Variants in JAK2 observed in about 807,000 individuals in gnomAD.
The protein encoded by JAK2 is tyrosine-protein kinase JAK2.
In JAK2, 86 loss-of-function variants were observed where a neutral mutation model predicts 139.3. That is an observed-to-expected ratio of 0.62 (90% CI 0.52 to 0.74). JAK2 has a LOEUF of 0.74. Ranked by LOEUF, JAK2 falls within the 30% of genes least tolerant of loss-of-function variation. The probability of loss-of-function intolerance (pLI) is 0.00; values close to 1 mark genes in which losing one functional copy is unlikely to be tolerated. For missense variants in JAK2, 1,421 were observed against 1,360.3 expected (o/e 1.04, Z -0.70); for synonymous variants, 490 against 437.7 (o/e 1.12, Z -1.49).
chr9:5,112,864 T>A, intron 22 of JAK2: 1 of 458,666 alleles, frequency 2.2e-6, no homozygotes, highest in Non-Finnish European at 3.5e-6. Context: ...TACGCCTCCG[T>A]GGGACGAGCC....
At chr9:5,106,766 G>A (rs1239794317) in intron 22 of JAK2, among the ~76,000 whole-genome samples, 1 of 152,124 alleles carries the variant, frequency 6.6e-6, no homozygotes, top group Non-Finnish European at 1.5e-5. Flanking sequence ...GGATGAAGCT[G>A]GAAACCATCA....
intron 2 of JAK2, among the ~76,000 whole-genome samples, chr9:4,990,632 T>C (rs1820188360): frequency 6.6e-6 from 1 of 151,832 alleles, no homozygotes; most frequent in Non-Finnish European, 1.5e-5. Flanking sequence ...AGAGGCAAAT[T>C]AGTGGATAGG....
chr9:4,986,176 T>A (rs554757672), intron 2 of JAK2, among the ~76,000 whole-genome samples, 154 bp downstream of exon 2: 1 of 152,226 alleles, frequency 6.6e-6, no homozygotes, highest in Non-Finnish European at 1.5e-5. Context: ...AATGTTGATC[T>A]GGGAGAGTAA....
At chr9:5,076,615 A>G (rs1292576032) in intron 14 of JAK2, among the ~76,000 whole-genome samples, 2 of 152,200 alleles carry the variant, frequency 1.3e-5, no homozygotes, top group Non-Finnish European at 2.9e-5. Context: ...GATACCAAGA[A>G]ATTCATGACT....
At chr9:5,043,207 T>C (rs1353473821) in intron 4 of JAK2, among the ~76,000 whole-genome samples, 1 of 152,126 alleles carries the variant, frequency 6.6e-6, no homozygotes. Context: ...CTTGAGGCAG[T>C]GCCCAGGGCG....
chr9:5,056,195 A>G (rs1427591342), intron 8 of JAK2, among the ~76,000 whole-genome samples: 1 of 152,150 alleles, frequency 6.6e-6, no homozygotes, highest in South Asian at 2.1e-4. Context: ...TGGAATTTAT[A>G]TAACAAAATG....
In JAK2 at chr9:5,080,231, C is replaced by T; in HGVS notation, c.2134C>T (p.Leu712Phe). Residue 712 changes from leucine to phenylalanine, a missense_variant and splice_region_variant, in exon 17 of 25, where the codon CTT (leucine) becomes TTT (phenylalanine). Leu to Phe is a conservative substitution (Grantham distance 22, BLOSUM62 0). Coordinates refer to ENST00000381652, the MANE Select transcript of JAK2 (RefSeq NM_004972.4). ...ISITVLPKDI[L>F]QERIPWVPPE... ...ACTCTGTTCGTATCATTTAAAAGTT[C>T]TTCAGGAGAGAATACCATGGGTACC... is the stretch of plus-strand genomic sequence containing the variant. The T allele has an allele frequency of 4.4e-6, 7 of 1,608,574 alleles. No individual in the cohort carries two copies. Among genetic ancestry groups the T allele is most frequent in the Non-Finnish European group, 5.9e-6 (7 of 1,176,716 alleles).
chr9:5,079,274 A>G (rs912769013), intron 16 of JAK2, among the ~76,000 whole-genome samples: 2 of 148,318 alleles, frequency 1.3e-5, no homozygotes, highest in South Asian at 2.1e-4. Context: ...GTATTTGTCA[A>G]TCAATCTATT....
At chr9:5,019,970 C>T (rs1822305355) in intron 2 of JAK2, among the ~76,000 whole-genome samples, 1 of 152,118 alleles carries the variant, frequency 6.6e-6, no homozygotes, top group East Asian at 1.9e-4. Context: ...GGGTGGCTTA[C>T]ATTAGTAATG....
intron 4 of JAK2, among the ~76,000 whole-genome samples, chr9:5,037,529 G>A (rs1263619098): frequency 3.9e-5 from 6 of 152,134 alleles, no homozygotes; most frequent in South Asian, 2.1e-4. Context: ...GTGCAGCCAT[G>A]AAAAATGATG....
intron 8 of JAK2, among the ~76,000 whole-genome samples, chr9:5,056,641 CTACACCTTGCACAG>C (rs1369606707): frequency 4.6e-5 from 7 of 152,096 alleles, no homozygotes; most frequent in African/African-American, 1.4e-4. Context: ...TTTGTACCCC[CTACACCTTGCACAG>C]TACTCAGGGC....
At chr9:5,072,148 A>C (rs1337697329) in intron 12 of JAK2, among the ~76,000 whole-genome samples, 2 of 152,216 alleles carry the variant, frequency 1.3e-5, no homozygotes. Context: ...CACATTCTCT[A>C]GTGTGCTAGT....
intron 2 of JAK2, among the ~76,000 whole-genome samples, chr9:5,006,032 A>G (rs1821276818): frequency 6.6e-6 from 1 of 152,198 alleles, no homozygotes; most frequent in Non-Finnish European, 1.5e-5. Flanking sequence ...TCTGTGAAGA[A>G]AGTCATTGGT....
intron 10 of JAK2, 22 bp from the exon 11 acceptor site, chr9:5,069,000 C>A: frequency 7.1e-7 from 1 of 1,417,756 alleles, no homozygotes; most frequent in Non-Finnish European, 9.7e-7. Flanking sequence ...CCCTCCCTTT[C>A]TTTATAATTA....
At chr9:5,085,789 A>G (rs1235664286) in intron 19 of JAK2, 1 of 755,436 alleles carries the variant, frequency 1.3e-6, no homozygotes, top group Non-Finnish European at 2.5e-6. Context: ...TGAATATTAC[A>G]TGCTCGGGCC....
chr9:5,090,496 C>A lies in JAK2; in HGVS notation c.2812C>A (p.Arg938=), dbSNP rs750978665. The A allele has an allele frequency of 3.8e-6, 6 of 1,588,764 alleles. No homozygotes were observed. Among genetic ancestry groups the A allele is most frequent in the Non-Finnish European group, 5.1e-6 (6 of 1,166,874 alleles). The change falls in exon 21 of 25, where the codon CGA becomes AGA. Residue 938 remains arginine (R), a synonymous_variant. Coordinates refer to ENST00000381652, the MANE Select transcript of JAK2 (RefSeq NM_004972.4). The part of the protein sequence containing the change: ...IMEYLPYGSL[R]DYLQKHKERI... ...GGAATATTTACCATATGGAAGTTTA[C>A]GAGACTATCTTCAAAAACATAAAGA...
intron 2 of JAK2, among the ~76,000 whole-genome samples, chr9:4,999,369 A>G (rs1820796303): frequency 6.6e-6 from 1 of 152,224 alleles, no homozygotes; most frequent in Admixed American, 6.5e-5. Context: ...CAGTAGTAGT[A>G]TACAAGCTTT....
At chr9:5,011,886 T>G (rs570093294) in intron 2 of JAK2, among the ~76,000 whole-genome samples, 2 of 152,332 alleles carry the variant, frequency 1.3e-5, no homozygotes, top group South Asian at 2.1e-4. Flanking sequence ...GCTCTTATTC[T>G]TCAAGTGTGG....
At chr9:5,041,100 G>T in intron 4 of JAK2, 5 of 752,418 alleles carry the variant, frequency 6.6e-6, no homozygotes, top group South Asian at 1.5e-5. Context: ...TGGAGGACCT[G>T]TTCGACCTTC....
Sources: gnomAD v4.1 joint callset for allele counts (sites outside exome capture counted in the v4.1 genomes callset) on GRCh38, gnomAD v4.1.1 for gene constraint, MANE v1.5 for transcripts, NCBI Gene and HGNC (gene_info 2026-07-23, HGNC 2026-07-21) for gene names.